Variants in PGR observed in about 807,000 individuals in gnomAD.
PGR encodes nuclear receptor subfamily 3 group C member 3.
PGR carries 25 observed loss-of-function variants against 76.1 expected under a neutral mutation model. The ratio of observed to expected loss-of-function variants is 0.33; its 90% CI spans 0.24 to 0.46. The LOEUF (loss-of-function observed/expected upper bound fraction) is 0.46, where lower values mean the gene tolerates loss of function less well. Among genes scored for constraint, PGR ranks in the 20% least tolerant of loss-of-function variants. PGR has a pLI of 1.00. For synonymous variants in PGR, 579 were observed against 535.0 expected, an observed-to-expected ratio of 1.08 and a Z score of -1.14; for missense variants, 1,172 against 1,225.3, an observed-to-expected ratio of 0.96 and a Z score of 0.65.
Position 101,127,648 on chromosome 11 carries a change from A to ACGGGCCCTGCTGGGGCGG in PGR, c.1405_1422dup (p.Pro469_Pro474dup). 1 of 1,437,206 alleles carries ACGGGCCCTGCTGGGGCGG rather than the reference A, an allele frequency of 7.0e-7. No individual in the cohort carries two copies. The highest frequency in any genetic ancestry group is 9.1e-7 in the Non-Finnish European group (1 of 1,100,782). The allele number at this position is 1,437,206 out of a possible 1,614,324, so 89.0% of individuals were successfully genotyped here. A position where few individuals can be genotyped will look rare whatever the true frequency, so the allele number is the denominator to read the frequency against. ...GGCGCCTTGCAGGGCGGCGGCGCGA[A>ACGGGCCCTGCTGGGGCGG]CGGGCCCTGCTGGGGCGGCGCGCCC... On this transcript the variant is annotated inframe_insertion, in exon 1 of 8. Transcript: ENST00000325455.
chr11:101,120,666 T>C (rs534369041), intron 2 of PGR, among the ~76,000 whole-genome samples: 1 of 152,240 alleles, frequency 6.6e-6, no homozygotes, highest in African/African-American at 2.4e-5. Context: ...CCAGAGAACA[T>C]ATTCCACACA....
chr11:101,122,202 C>T (rs182478848), intron 2 of PGR, among the ~76,000 whole-genome samples: 1 of 149,712 alleles, frequency 6.7e-6, no homozygotes, highest in Admixed American at 6.6e-5. Context: ...ATTGAAAATC[C>T]TTCAATACCT....
In PGR at chr11:101,062,350, GTTAA is replaced by G; in HGVS notation, c.2212+93_2212+96del. 4.4e-6 allele frequency: 4 copies of G among 918,928 alleles called. No homozygotes were observed. The Admixed American group carries it at 7.6e-5, about 17-fold the overall frequency. The allele number at this position is 918,928 out of a possible 1,614,324, so 56.9% of individuals were successfully genotyped here. A position where few individuals can be genotyped will look rare whatever the true frequency, so the allele number is the denominator to read the frequency against. On this transcript the variant is annotated intron_variant, in intron 4 of 7. Coordinates refer to ENST00000325455, the MANE Select transcript of PGR (RefSeq NM_000926.4). ...CTATCACATACTGTTTTATATTGTA[GTTAA>G]TTTACTGCATAGAGTGTTTTATTTA... is the stretch of plus-strand genomic sequence containing the variant.
At chr11:101,090,527 A>ATT (rs1419788443) in intron 3 of PGR, among the ~76,000 whole-genome samples, 3 of 152,170 alleles carry the variant, frequency 2.0e-5, no homozygotes, top group Non-Finnish European at 4.4e-5. Context: ...AAAAAGTTGT[A>ATT]TTTTCTAAAA....
intron 6 of PGR, among the ~76,000 whole-genome samples, chr11:101,044,202 T>A (rs1474106555): frequency 1.3e-5 from 2 of 152,238 alleles, no homozygotes; most frequent in African/African-American, 4.8e-5. Flanking sequence ...ACCTAGATCT[T>A]CTGGGTAACT....
chr11:101,075,635 A>AC (rs1266311113), intron 3 of PGR, among the ~76,000 whole-genome samples: 2 of 151,520 alleles, frequency 1.3e-5, no homozygotes, highest in Non-Finnish European at 3.0e-5. Flanking sequence ...AAAAAAAACA[A>AC]AAAACAACCC....
chr11:101,065,033 C>G (rs1253740975), intron 3 of PGR, among the ~76,000 whole-genome samples: 2 of 152,296 alleles, frequency 1.3e-5, no homozygotes, highest in East Asian at 3.9e-4. Context: ...TGCGTAAATG[C>G]ATTCTATGAT....
At chr11:101,108,641 C>T (rs1055612724) in intron 2 of PGR, among the ~76,000 whole-genome samples, 3 of 152,086 alleles carry the variant, frequency 2.0e-5, no homozygotes, top group African/African-American at 7.2e-5. Context: ...TTGGAGTCTG[C>T]CAGAACTGGG....
intron 2 of PGR, among the ~76,000 whole-genome samples, chr11:101,117,385 G>A (rs368423242): frequency 6.6e-5 from 10 of 151,778 alleles, no homozygotes; most frequent in African/African-American, 2.2e-4. Flanking sequence ...TTTGTATATG[G>A]GTAATAATTT....
chr11:101,072,849 C>T (rs969855542), intron 3 of PGR, among the ~76,000 whole-genome samples: 8 of 152,152 alleles, frequency 5.3e-5, no homozygotes, highest in Non-Finnish European at 1.5e-5. Context: ...TATGAAGAGA[C>T]TTAGACACCC....
chr11:101,099,635 G>A (rs1026267349), intron 2 of PGR, among the ~76,000 whole-genome samples: 3 of 152,182 alleles, frequency 2.0e-5, no homozygotes, highest in Non-Finnish European at 2.9e-5. Flanking sequence ...GTCAGTCAGC[G>A]GAAGTCCAGA....
At position 101,128,208 on chromosome 11, in the gene PGR, G is replaced by C. The variant is rs889006837; in HGVS notation, c.863C>G (p.Pro288Arg). Residue 288 changes from proline (P) to arginine (R), a missense_variant, in exon 1 of 8, where the codon CCG (proline) becomes CGG (arginine). Around this residue, in one of 4 missense-constraint regions of PGR, gnomAD observed 893 missense variants for 785.9 expected, o/e 1.14. Coordinates refer to ENST00000325455, the MANE Select transcript of PGR (RefSeq NM_000926.4). ...PRVALVEQDA[P>R]MAPGRSPLAT... is the part of the protein sequence containing the mutation. ...CAGCGGGGAGCGCCCGGGCGCCATC[G>C]GCGCGTCCTGCTCCACCAGGGCGAC... The C allele has an allele frequency of 3.8e-6, 6 of 1,598,056 alleles. No individual in the cohort carries two copies. Among genetic ancestry groups the C allele is most frequent in the Admixed American group, 3.3e-5 (2 of 59,906 alleles).
Position 101,062,658 on chromosome 11 carries a change from T to C in PGR, c.2001A>G (p.Gln667=). 2 of 1,614,054 alleles carry C rather than the reference T, an allele frequency of 1.2e-6. No homozygotes were observed. The highest frequency in any genetic ancestry group is 1.7e-6 in the Non-Finnish European group (2 of 1,179,938). ...PQPVGVPNES[Q]ALSQRFTFSP... ...AAAAAGTGAATCTCTGGCTTAGGGC[T>C]TGGCTTTCATTTGGAACGCCCACTG... Residue 667 remains glutamine, a synonymous_variant, in exon 4 of 8, where the codon CAA becomes CAG. Transcript: ENST00000325455.
At chr11:101,067,100 C>T (rs1015136887) in intron 3 of PGR, among the ~76,000 whole-genome samples, 2 of 152,108 alleles carry the variant, frequency 1.3e-5, no homozygotes, top group African/African-American at 4.8e-5. Flanking sequence ...CATGCTCCAC[C>T]CATATTGATG....
In PGR at chr11:101,036,067, C is replaced by T; in HGVS notation, c.*3049G>A. 1 of 221,440 alleles carries T rather than the reference C, an allele frequency of 4.5e-6. No homozygotes were observed. The highest frequency in any genetic ancestry group is 9.0e-6 in the Non-Finnish European group (1 of 110,828). The allele number at this position is 221,440 out of a possible 1,614,324, so 13.7% of individuals were successfully genotyped here. ...TTAATCTCATCCAGCTAGTAAGTGGCAGAGAAGGGGGGCACAGTCCTATGT... is the reference window on the plus strand; with the variant it reads ...TTAATCTCATCCAGCTAGTAAGTGGTAGAGAAGGGGGGCACAGTCCTATGT... On this transcript the variant is annotated 3_prime_UTR_variant, in exon 8 of 8. Coordinates refer to ENST00000325455, the MANE Select transcript of PGR (RefSeq NM_000926.4).
intron 3 of PGR, 99 bp from the exon 4 acceptor site, chr11:101,062,851 C>A: frequency 2.8e-6 from 2 of 726,314 alleles, no homozygotes; most frequent in East Asian, 2.8e-5. Flanking sequence ...TAGCATTATG[C>A]ATTTTAGCAT....
At chr11:101,090,424 G>A (rs1319544553) in intron 3 of PGR, among the ~76,000 whole-genome samples, 1 of 152,220 alleles carries the variant, frequency 6.6e-6, no homozygotes, top group Non-Finnish European at 1.5e-5. Context: ...TCTAAGGCAA[G>A]CATGCCAAGG....
rs1315135533 is a variant in PGR at position 101,051,563 on chromosome 11, G to A, written c.2218C>T (p.Arg740Ter). The change falls in exon 5 of 8, where the codon CGA becomes TGA. Residue 740 changes from arginine to a stop codon, truncating the protein, a stop_gained. Transcript: ENST00000325455. LOFTEE classifies it high-confidence loss of function. ...ATCTGGTCATCAATATGTAAGTTTC[G>A]AAAACCTACAAAACAAATTTAAAAA... ...VKWSKSLPGF[R>*]NLHIDDQITL... The A allele has an allele frequency of 5.0e-6, 8 of 1,602,832 alleles. No individual in the cohort carries two copies. The highest frequency in any genetic ancestry group is 4.5e-5 in the East Asian group (2 of 44,748).
intron 3 of PGR, among the ~76,000 whole-genome samples, chr11:101,073,062 A>T (rs1475110537): frequency 6.6e-6 from 1 of 152,190 alleles, no homozygotes; most frequent in Non-Finnish European, 1.5e-5. Flanking sequence ...AAAATTGACC[A>T]CATAATTGGA....
Sources: allele counts gnomAD v4.1 joint callset (sites outside exome capture counted in the v4.1 genomes callset), GRCh38; gene constraint gnomAD v4.1.1; regional missense constraint gnomAD v4.1.1; transcripts MANE v1.5; gene names NCBI Gene and HGNC (gene_info 2026-07-23, HGNC 2026-07-21).